YWHAE: variants seen among roughly 807,000 people sequenced by gnomAD.
YWHAE encodes the protein tyrosine 3-monooxygenase/tryptophan 5-monooxygenase activation protein epsilon.
A neutral mutation model predicts 30.1 loss-of-function variants in YWHAE; 4 were observed. The observed-to-expected ratio is 0.13, with a 90% CI of 0.07 to 0.30. The LOEUF (loss-of-function observed/expected upper bound fraction) is 0.30, where lower values mean the gene tolerates loss of function less well. Ranked by LOEUF, YWHAE falls within the 10% of genes least tolerant of loss-of-function variation. YWHAE has a pLI of 1.00. For synonymous variants in YWHAE, 118 were observed against 111.8 expected (o/e 1.06, Z -0.35); for missense variants, 121 against 315.9 (o/e 0.38, Z 4.68).
At chr17:1,381,910 CA>C (rs397754278) in intron 1 of YWHAE, among the ~76,000 whole-genome samples, 8,423 of 43,924 alleles carry the variant, frequency 0.19, 173 homozygotes, top group African/African-American at 0.38. Flanking sequence ...GACACTATGT[CA>C]AAAAAAAAAA....
chr17:1,368,427 G>T (rs905501351), intron 1 of YWHAE, among the ~76,000 whole-genome samples: 1 of 151,712 alleles, frequency 6.6e-6, no homozygotes, highest in Non-Finnish European at 1.5e-5. Context: ...AGCCAGGCAT[G>T]GTGGCAGGCA....
At chr17:1,347,417 A>G (rs572403558) in intron 5 of YWHAE, among the ~76,000 whole-genome samples, 1 of 151,794 alleles carries the variant, frequency 6.6e-6, no homozygotes, top group East Asian at 1.9e-4. Context: ...GGGGAGTTCT[A>G]TTTCTGCAGT....
At chr17:1,372,726 G>C (rs755029061) in intron 1 of YWHAE, among the ~76,000 whole-genome samples, 1 of 152,198 alleles carries the variant, frequency 6.6e-6, no homozygotes, top group Non-Finnish European at 1.5e-5. Flanking sequence ...GCCGAAGGCA[G>C]GAAGATCATG....
intron 4 of YWHAE, 85 bp downstream of exon 4, chr17:1,361,007 C>T (rs2072855463): frequency 2.4e-6 from 3 of 1,266,530 alleles, no homozygotes; most frequent in Non-Finnish European, 3.4e-6. Flanking sequence ...TCTACAAAGA[C>T]AGGCCCAAGA....
intron 1 of YWHAE, among the ~76,000 whole-genome samples, chr17:1,390,252 T>C (rs1053634514): frequency 4.6e-5 from 7 of 152,162 alleles, no homozygotes; most frequent in Non-Finnish European, 8.8e-5. Flanking sequence ...AACAACTATA[T>C]ACCAGCTCAA....
At chr17:1,354,820 A>T (rs994772274) in intron 4 of YWHAE, among the ~76,000 whole-genome samples, 1 of 151,092 alleles carries the variant, frequency 6.6e-6, no homozygotes, top group South Asian at 2.1e-4. Flanking sequence ...CCGCCACCAC[A>T]CCCGGCTAAT....
At chr17:1,395,170 A>G (rs1031171669) in intron 1 of YWHAE, among the ~76,000 whole-genome samples, 6 of 151,996 alleles carry the variant, frequency 3.9e-5, no homozygotes, top group African/African-American at 1.4e-4. Flanking sequence ...AGGCAGGCAG[A>G]TCACCTGAGG....
chr17:1,361,655 A>C (rs2072866915), intron 3 of YWHAE: 1 of 461,438 alleles, frequency 2.2e-6, no homozygotes. Flanking sequence ...AACACTAAGC[A>C]CTGTGAAATG....
intron 4 of YWHAE, among the ~76,000 whole-genome samples, chr17:1,355,560 C>T (rs562777816): frequency 2.4e-4 from 37 of 151,970 alleles, no homozygotes; most frequent in Non-Finnish European, 3.7e-4. Context: ...GCAACACAGA[C>T]GCCATGGAAA....
In YWHAE at chr17:1,345,236, C is replaced by T; in HGVS notation, c.*211G>A. On this transcript the variant is annotated 3_prime_UTR_variant, in exon 6 of 6. Coordinates refer to ENST00000264335, the MANE Select transcript of YWHAE (RefSeq NM_006761.5). ...TCTTAAAGAACCTAAAAGCTGGGAC[C>T]AGTAAAATCCACAGAAATTCACTCT... is the stretch of plus-strand genomic sequence containing the variant. 1 of 573,276 alleles carries T rather than the reference C, an allele frequency of 1.7e-6. No homozygotes were observed. The highest frequency in any genetic ancestry group is 3.0e-6 in the Non-Finnish European group (1 of 327,912). 35.5% of individuals were successfully genotyped at this position (573,276 alleles called of 1,614,324 possible). A position where few individuals can be genotyped will look rare whatever the true frequency, so the allele number is the denominator to read the frequency against.
At chr17:1,382,050 TTTTG>T (rs762226304) in intron 1 of YWHAE, among the ~76,000 whole-genome samples, 29 of 151,990 alleles carry the variant, frequency 1.9e-4, no homozygotes, top group Admixed American at 1.2e-3. Flanking sequence ...GTAGTAGTTT[TTTTG>T]TTTGTTTGTT....
intron 1 of YWHAE, among the ~76,000 whole-genome samples, chr17:1,386,769 G>A (rs1203455104): frequency 3.9e-5 from 6 of 152,104 alleles, no homozygotes; most frequent in Non-Finnish European, 1.5e-5. Context: ...GGCCAACACG[G>A]TGAAACACCC....
Position 1,381,752 on chromosome 17 carries a change from C to CA in YWHAE, c.65-16695dup, listed in dbSNP as rs200281477. Among the ~76,000 whole-genome samples the CA allele has an allele frequency of 2.1e-3, 314 of 151,448 alleles. 2 individuals are homozygous for CA. In the East Asian group the frequency reaches 0.033, roughly 16 times the overall value. On this transcript the variant is annotated intron_variant, in intron 1 of 5. Coordinates refer to ENST00000264335, the MANE Select transcript of YWHAE (RefSeq NM_006761.5). ...GAGACATGGCGAAACCCTGTCTCTACAAAAAAATACAAAAATTGGCCAGGC... is the reference window on the plus strand; with the variant it reads ...GAGACATGGCGAAACCCTGTCTCTACAAAAAAAATACAAAAATTGGCCAGGC...
chr17:1,364,069 C>T (rs1177121638), intron 2 of YWHAE, among the ~76,000 whole-genome samples: 2 of 152,110 alleles, frequency 1.3e-5, no homozygotes, highest in Non-Finnish European at 2.9e-5. Context: ...TGCTGCATTA[C>T]AGTGATGGCT....
At position 1,376,374 on chromosome 17, in the gene YWHAE, CAGAA is replaced by C. The variant is rs924865900; in HGVS notation, c.65-11320_65-11317del. Among the ~76,000 whole-genome samples the C allele has an allele frequency of 4.2e-4, 32 of 77,006 alleles. 1 individual carries two copies. The highest frequency in any genetic ancestry group is 8.3e-4 in the East Asian group (2 of 2,406). The allele number at this position is 77,006 out of a possible 152,430, so 50.5% of individuals were successfully genotyped here. A position where few individuals can be genotyped will look rare whatever the true frequency, so the allele number is the denominator to read the frequency against. The stretch of plus-strand genomic sequence containing the variant: ...AAGACAAGAAAGACAGACAGACAGA[CAGAA>C]AGAAAGAAAAAGAAAGAGAGAGAAA... On this transcript the variant is annotated intron_variant, in intron 1 of 5. Coordinates refer to ENST00000264335, the MANE Select transcript of YWHAE (RefSeq NM_006761.5).
intron 4 of YWHAE, among the ~76,000 whole-genome samples, chr17:1,355,122 A>C (rs1377180333): frequency 0.12 from 3,735 of 31,946 alleles, 58 homozygotes; most frequent in Admixed American, 0.15. Context: ...TTTTTAAAAA[A>C]AAAAAAAAAA....
At chr17:1,353,701 T>C (rs2072679990) in intron 5 of YWHAE, among the ~76,000 whole-genome samples, 1 of 151,566 alleles carries the variant, frequency 6.6e-6, no homozygotes, top group Non-Finnish European at 1.5e-5. Flanking sequence ...GAGGCAGAGT[T>C]TGCAGTAAGC....
intron 1 of YWHAE, among the ~76,000 whole-genome samples, chr17:1,388,103 TTTTTTTTTTGGTTG>T (rs2073330092): frequency 4.3e-5 from 2 of 46,722 alleles, no homozygotes; most frequent in Non-Finnish European, 7.0e-5. Flanking sequence ...TAATTTTTGT[TTTTTTTTTTGGTTG>T]GTTTTTTTTT....
chr17:1,382,611 C>T (rs917201230), intron 1 of YWHAE, among the ~76,000 whole-genome samples: 2 of 151,984 alleles, frequency 1.3e-5, no homozygotes, highest in Admixed American at 6.6e-5. Flanking sequence ...CCACCCGCCT[C>T]GGCCTCCCAA....
Sources: gnomAD v4.1 joint callset for allele counts (sites outside exome capture counted in the v4.1 genomes callset) on GRCh38, gnomAD v4.1.1 for gene constraint, MANE v1.5 for transcripts, NCBI Gene and HGNC (gene_info 2026-07-23, HGNC 2026-07-21) for gene names.